Variants in TMPRSS15 observed in about 807,000 individuals in gnomAD.
The protein encoded by TMPRSS15 is transmembrane serine protease 15.
Under a neutral mutation model 125.3 loss-of-function variants are expected in TMPRSS15, and 128 were observed. That is an observed-to-expected ratio of 1.02 (90% CI 0.89 to 1.18). TMPRSS15 has a LOEUF of 1.18. TMPRSS15 is among the 50% of genes most tolerant of loss of function. The pLI is 0.00. For missense variants in TMPRSS15, 1,283 were observed against 1,212.7 expected (o/e 1.06, Z -0.86); for synonymous variants, 446 against 423.2 (o/e 1.05, Z -0.66).
intron 18 of TMPRSS15, among the ~76,000 whole-genome samples, chr21:18,300,781 A>G (rs945841257): frequency 4.9e-5 from 7 of 143,476 alleles, no homozygotes; most frequent in African/African-American, 1.7e-4. Context: ...GCATTTGGAT[A>G]GGATTGACAG....
intron 24 of TMPRSS15, 108 bp from the exon 25 acceptor site, chr21:18,270,232 A>ATGAT: frequency 1.0e-6 from 1 of 997,694 alleles, no homozygotes. Context: ...ATTAAAAAAT[A>ATGAT]TGATTTAATT....
At chr21:18,311,378 C>G (rs1285507852) in intron 18 of TMPRSS15, among the ~76,000 whole-genome samples, 1 of 152,058 alleles carries the variant, frequency 6.6e-6, no homozygotes, top group Non-Finnish European at 1.5e-5. Context: ...AGAGCTCAAA[C>G]AAATCGACAA....
At chr21:18,314,289 CT>C (rs1388390008) in intron 17 of TMPRSS15, among the ~76,000 whole-genome samples, 1 of 151,778 alleles carries the variant, frequency 6.6e-6, no homozygotes. Flanking sequence ...TTATTTTTTT[CT>C]TTTTTGAGAT....
intron 1 of TMPRSS15, among the ~76,000 whole-genome samples, chr21:18,460,043 A>T (rs1285519080): frequency 6.6e-6 from 1 of 152,092 alleles, no homozygotes; most frequent in African/African-American, 2.4e-5. Flanking sequence ...AATATTACTC[A>T]TTATGTAGGT....
rs542008874 is a variant in TMPRSS15 at position 18,325,541 on chromosome 21, T to A, written c.1921+891A>T. ...TATTAGATAATAGGCCAGATGAAGA[T>A]GAACTATCCAACCCTACCTCTTTTC... is the stretch of plus-strand genomic sequence containing the variant. On this transcript the variant is annotated intron_variant, in intron 16 of 24. Transcript: ENST00000284885. 5.3e-5 allele frequency among the ~76,000 whole-genome samples: 8 copies of A among 152,162 alleles called. No individual in the cohort carries two copies. In the East Asian group the frequency reaches 1.2e-3, roughly 22 times the overall value.
intron 6 of TMPRSS15, among the ~76,000 whole-genome samples, chr21:18,366,265 T>C (rs919930382): frequency 6.6e-6 from 1 of 152,214 alleles, no homozygotes; most frequent in African/African-American, 2.4e-5. Context: ...AAAATGTTAG[T>C]ACTAGTGGCC....
At chr21:18,465,143 G>A (rs1252043432) in intron 1 of TMPRSS15, among the ~76,000 whole-genome samples, 1 of 151,986 alleles carries the variant, frequency 6.6e-6, no homozygotes, top group African/African-American at 2.4e-5. Context: ...CACATAAACA[G>A]AACCAATGAC....
At chr21:18,415,884 T>C (rs1264649311) in intron 1 of TMPRSS15, among the ~76,000 whole-genome samples, 1 of 152,080 alleles carries the variant, frequency 6.6e-6, no homozygotes, top group Non-Finnish European at 1.5e-5. Context: ...TGACATCATC[T>C]TGTGTGTAGA....
Position 18,439,378 on chromosome 21 carries a change from A to G in TMPRSS15, c.11-41049T>C, listed in dbSNP as rs867259889. 4.6e-5 allele frequency among the ~76,000 whole-genome samples: 7 copies of G among 152,342 alleles called. 1 individual carries two copies. The South Asian group carries it at 1.4e-3, about 32-fold the overall frequency. ...GATAACAGTTTAGTTGATGATAACA[A>G]TGCAGAATAACCTATTTTTAAGCAG... On this transcript the variant is annotated intron_variant, in intron 1 of 7. Transcript: ENST00000422787.
At chr21:18,428,516 C>G (rs142965334) in intron 1 of TMPRSS15, among the ~76,000 whole-genome samples, 2 of 152,102 alleles carry the variant, frequency 1.3e-5, no homozygotes, top group Non-Finnish European at 2.9e-5. Context: ...TTTTGTGGGC[C>G]GGTCCCAGGG....
chr21:18,322,944 G>T (rs724128), intron 16 of TMPRSS15, among the ~76,000 whole-genome samples: 50,826 of 151,962 alleles, frequency 0.33, 8,749 homozygotes, highest in African/African-American at 0.43. Context: ...TCCCAGATTC[G>T]ATGATTATAA....
In TMPRSS15 at chr21:18,277,029, G is replaced by A. The variant is rs572503709; in HGVS notation, c.2765-1693C>T. Among the ~76,000 whole-genome samples, 3 of 152,168 alleles carry A rather than the reference G, an allele frequency of 2.0e-5. 1 individual carries two copies. The East Asian group carries it at 5.8e-4, about 29-fold the overall frequency. On this transcript the variant is annotated intron_variant, in intron 23 of 24. Coordinates refer to ENST00000284885, the MANE Select transcript of TMPRSS15 (RefSeq NM_002772.3). ...GATCTGCCCGGCTCAGCCTCCCAAA[G>A]TGTTGGGTTTACAGGCATGAGCCAC...
chr21:18,328,565 T>C (rs1601341160), intron 15 of TMPRSS15, among the ~76,000 whole-genome samples: 1 of 152,192 alleles, frequency 6.6e-6, no homozygotes, highest in East Asian at 1.9e-4. Flanking sequence ...CTCAAAAATA[T>C]TGTCCAAAAT....
chr21:18,273,426 G>C (rs1160736675), intron 24 of TMPRSS15, among the ~76,000 whole-genome samples: 1 of 152,190 alleles, frequency 6.6e-6, no homozygotes, highest in Non-Finnish European at 1.5e-5. Flanking sequence ...TGACAGTCTA[G>C]TGTATTAATT....
intron 4 of TMPRSS15, chr21:18,380,408 A>G (rs2075882295): frequency 5.3e-6 from 2 of 375,128 alleles, no homozygotes; most frequent in Non-Finnish European, 1.1e-5. Context: ...CCTAACCAAT[A>G]TAAGCTTCTT....
chr21:18,334,760 G>A (rs533466579), intron 13 of TMPRSS15, among the ~76,000 whole-genome samples: 6 of 152,300 alleles, frequency 3.9e-5, no homozygotes, highest in African/African-American at 1.4e-4. Context: ...TCATCCCACA[G>A]TAATTTACTG....
chr21:18,279,134 G>T, intron 22 of TMPRSS15, 75 bp from the exon 23 acceptor site: 2 of 813,856 alleles, frequency 2.5e-6, no homozygotes, highest in Non-Finnish European at 4.1e-6. Flanking sequence ...TTTCTAACAA[G>T]TTTTAAAAAT....
chr21:18,467,218 T>C (rs1232770211), intron 1 of TMPRSS15, among the ~76,000 whole-genome samples: 1 of 151,678 alleles, frequency 6.6e-6, no homozygotes, highest in Non-Finnish European at 1.5e-5. Flanking sequence ...ATAAGAACAC[T>C]TGGACATGGA....
Position 18,269,609 on chromosome 21 carries a change from T to C in TMPRSS15, c.*360A>G, listed in dbSNP as rs956528082. The stretch of plus-strand genomic sequence containing the variant: ...AAAACAATTTATTTTCTTTCTTTTT[T>C]AAATTCTGCTCAAATTTCTTAAGTG... On this transcript the variant is annotated 3_prime_UTR_variant, in exon 25 of 25. Transcript: ENST00000284885. 6.3e-6 allele frequency: 1 copy of C among 159,786 alleles called. No homozygotes were observed. The highest frequency in any genetic ancestry group is 2.4e-5 in the African/African-American group (1 of 41,604). 9.9% of individuals were successfully genotyped at this position (159,786 alleles called of 1,614,324 possible). A position where few individuals can be genotyped will look rare whatever the true frequency, so the allele number is the denominator to read the frequency against.
Sources: allele counts gnomAD v4.1 joint callset (sites outside exome capture counted in the v4.1 genomes callset), GRCh38; gene constraint gnomAD v4.1.1; transcripts MANE v1.5; gene names NCBI Gene and HGNC (gene_info 2026-07-23, HGNC 2026-07-21).